SPTBN4: variants seen among roughly 807,000 people sequenced by gnomAD.
SPTBN4 encodes spectrin beta, non-erythrocytic 4, also known as spectrin beta chain, non-erythrocytic 4.
SPTBN4 carries 96 observed loss-of-function variants against 277.8 expected under a neutral mutation model. The ratio of observed to expected loss-of-function variants is 0.35; its 90% CI spans 0.29 to 0.41. SPTBN4 has a LOEUF of 0.41. SPTBN4 is among the 10% of genes least tolerant of loss of function. The pLI is 1.00. For missense variants in SPTBN4, 3,006 were observed against 3,595.7 expected (o/e 0.84, Z 4.19); for synonymous variants, 1,481 against 1,580.3 (o/e 0.94, Z 1.49).
intron 14 of SPTBN4, among the ~76,000 whole-genome samples, chr19:40,514,106 G>A (rs994232189): frequency 7.9e-5 from 12 of 152,206 alleles, no homozygotes; most frequent in East Asian, 3.8e-4. Context: ...ACTTAGCAAT[G>A]AGTTGTTCAA....
chr19:40,530,563 C>T, intron 18 of SPTBN4: 2 of 980,746 alleles, frequency 2.0e-6, no homozygotes, highest in Non-Finnish European at 2.4e-6. Flanking sequence ...GCTGCAGGGA[C>T]GCCCCGCCAA....
intron 1 of SPTBN4, among the ~76,000 whole-genome samples, chr19:40,472,129 G>A (rs968012266): frequency 6.6e-6 from 1 of 151,794 alleles, no homozygotes; most frequent in Non-Finnish European, 1.5e-5. Context: ...GGCTGATCTC[G>A]AACTCCCAAC....
At chr19:40,572,744 A>C (rs190492300) in intron 35 of SPTBN4, 1 of 201,142 alleles carries the variant, frequency 5.0e-6, no homozygotes, top group African/African-American at 2.3e-5. Context: ...AGATCACCTG[A>C]GGTCAGGAGT....
intron 20 of SPTBN4, among the ~76,000 whole-genome samples, chr19:40,544,494 C>T (rs1213941998): frequency 8.1e-6 from 1 of 123,630 alleles, no homozygotes; most frequent in Non-Finnish European, 1.6e-5. Context: ...GTTGCCCGGG[C>T]TGGAGTGCAG....
At chr19:40,485,755 A>G (rs1599718913) in intron 2 of SPTBN4, among the ~76,000 whole-genome samples, 1 of 152,084 alleles carries the variant, frequency 6.6e-6, no homozygotes, top group Non-Finnish European at 1.5e-5. Context: ...GCAGTGAGCC[A>G]TGATTGTGGC....
At chr19:40,468,080 CTT>C (rs10622374) in intron 1 of SPTBN4, among the ~76,000 whole-genome samples, 2 of 144,514 alleles carry the variant, frequency 1.4e-5, no homozygotes, top group Non-Finnish European at 1.5e-5. Context: ...ATTATCATTA[CTT>C]TTTTTTTTTT....
At position 40,534,063 on chromosome 19, in the gene SPTBN4, C is replaced by G; in HGVS notation, c.4096-17C>G. On this transcript the variant is annotated splice_polypyrimidine_tract_variant and intron_variant, in intron 19 of 35. Transcript: ENST00000598249. Reference sequence around the variant, plus strand: ...ATCTATCTTCTCCATCTCCTGCCATCCACCCACTTGGGGCAGGAGGGCCAG... The same window carrying G: ...ATCTATCTTCTCCATCTCCTGCCATGCACCCACTTGGGGCAGGAGGGCCAG... 6.3e-7 allele frequency: 1 copy of G among 1,590,568 alleles called. No homozygotes were observed. Among genetic ancestry groups the G allele is most frequent in the Non-Finnish European group, 8.6e-7 (1 of 1,163,738 alleles).
At position 40,560,343 on chromosome 19, in the gene SPTBN4, G is replaced by A. The variant is rs553248109; in HGVS notation, c.5855G>A (p.Arg1952His). ...ADALRFHSQVRDLLSWMDGIA... is the reference protein window; with the variant it reads ...ADALRFHSQVHDLLSWMDGIA... The stretch of plus-strand genomic sequence containing the variant: ...GCCCTGCGCTTCCACAGCCAAGTCC[G>A]CGACCTGCTCTCCTGGATGGATGGC... The change falls in exon 27 of 36, where the codon CGC (arginine) becomes CAC (histidine). Residue 1952 changes from arginine to histidine, a missense_variant. Coordinates refer to ENST00000598249, the MANE Select transcript of SPTBN4 (RefSeq NM_020971.3). The surrounding 1 kb of genome is among the most constrained non-coding windows in gnomAD (Gnocchi z 5.2). 2.4e-5 allele frequency: 38 copies of A among 1,614,088 alleles called. No individual in the cohort carries two copies. The highest frequency in any genetic ancestry group is 5.5e-5 in the South Asian group (5 of 91,080).
At chr19:40,572,652 A>T (rs2081165843) in intron 35 of SPTBN4, 3 of 484,520 alleles carry the variant, frequency 6.2e-6, no homozygotes, top group South Asian at 5.6e-5. Context: ...GAATGGAGGG[A>T]GTTCGCTTTA....
At chr19:40,479,938 CA>C (rs778676713) in intron 2 of SPTBN4, among the ~76,000 whole-genome samples, 55 of 135,304 alleles carry the variant, frequency 4.1e-4, no homozygotes, top group South Asian at 4.7e-4. Flanking sequence ...CCCGTCTCTA[CA>C]AAAAAAAAAA....
intron 17 of SPTBN4, among the ~76,000 whole-genome samples, chr19:40,524,368 G>C (rs564765937): frequency 6.6e-6 from 1 of 151,744 alleles, no homozygotes; most frequent in Admixed American, 6.6e-5. Context: ...AAAGCTGGGC[G>C]TGGTGATGCG....
intron 16 of SPTBN4, among the ~76,000 whole-genome samples, 181 bp from the exon 17 acceptor site, chr19:40,523,256 C>T (rs1391980637): frequency 6.6e-6 from 1 of 152,204 alleles, no homozygotes; most frequent in Non-Finnish European, 1.5e-5. Context: ...ATGGGGGTAT[C>T]TGGAGGGACA....
Position 40,570,686 on chromosome 19 carries a change from T to G in SPTBN4, c.7277T>G (p.Leu2426Arg), listed in dbSNP as rs555820796. 6.2e-7 allele frequency: 1 copy of G among 1,607,080 alleles called. No individual in the cohort carries two copies. The highest frequency in any genetic ancestry group is 1.3e-5 in the African/African-American group (1 of 74,760). ...ACAGTGCAGCACGAGGGCTTCCTACTGCGCAAGCGCGAGCTCGACGCTAAC... is the reference window on the plus strand; with the variant it reads ...ACAGTGCAGCACGAGGGCTTCCTACGGCGCAAGCGCGAGCTCGACGCTAAC... ...THTVQHEGFL[L>R]RKRELDANRK... The change falls in exon 33 of 36, where the codon CTG becomes CGG. Residue 2426 changes from leucine (L) to arginine (R), a missense_variant. This residue lies in a region of SPTBN4 where 630 missense variants were observed against 677.6 expected (regional missense o/e 0.93). Coordinates refer to ENST00000598249, the MANE Select transcript of SPTBN4 (RefSeq NM_020971.3).
In SPTBN4 at chr19:40,519,051, C is replaced by T. The variant is rs1179120064; in HGVS notation, c.2904-350C>T. On this transcript the variant is annotated intron_variant, in intron 15 of 35. Transcript: ENST00000598249. The surrounding 1 kb of genome is among the most constrained non-coding windows in gnomAD (Gnocchi z 5.7). ...CTTTAAAGTCTGGTTTAAGAGATGGCAGCTGGGCTTCTCTTAAATCAGAGT... is the reference window on the plus strand; with the variant it reads ...CTTTAAAGTCTGGTTTAAGAGATGGTAGCTGGGCTTCTCTTAAATCAGAGT... Among the ~76,000 whole-genome samples, 4 of 152,182 alleles carry T rather than the reference C, an allele frequency of 2.6e-5. No homozygotes were observed. The highest frequency in any genetic ancestry group is 1.9e-4 in the East Asian group (1 of 5,208).
chr19:40,537,592 C>G (rs2080753253), intron 20 of SPTBN4, among the ~76,000 whole-genome samples: 2 of 152,180 alleles, frequency 1.3e-5, no homozygotes, highest in Non-Finnish European at 1.5e-5. Context: ...GTTAACTCCT[C>G]TCTCCTCCCC....
chr19:40,504,561 T>C (rs2080302743), intron 12 of SPTBN4, among the ~76,000 whole-genome samples: 1 of 150,874 alleles, frequency 6.6e-6, no homozygotes, highest in South Asian at 2.1e-4. Flanking sequence ...CCCAGCTACT[T>C]GGGAGGCTGA....
intron 13 of SPTBN4, among the ~76,000 whole-genome samples, chr19:40,508,740 G>C (rs1166709100): frequency 4.6e-5 from 7 of 152,112 alleles, no homozygotes; most frequent in African/African-American, 1.4e-4. Context: ...ATTTGGGCTT[G>C]TGTTAGGTGA....
chr19:40,508,546 G>C (rs1359697273), intron 13 of SPTBN4, among the ~76,000 whole-genome samples: 18 of 152,162 alleles, frequency 1.2e-4, no homozygotes, highest in African/African-American at 4.3e-4. Flanking sequence ...AAATTAATTT[G>C]GTGTGGTGGC....
chr19:40,555,602 C>T (rs1028384682), intron 24 of SPTBN4, among the ~76,000 whole-genome samples: 2 of 151,708 alleles, frequency 1.3e-5, no homozygotes, highest in African/African-American at 4.8e-5. Context: ...TGCTGAAATG[C>T]AGGGCTTTCT....
Sources: allele counts gnomAD v4.1 joint callset (sites outside exome capture counted in the v4.1 genomes callset), GRCh38; gene constraint gnomAD v4.1.1; regional missense constraint gnomAD v4.1.1; non-coding constraint Gnocchi (gnomAD v3.1); transcripts MANE v1.5; gene names NCBI Gene and HGNC (gene_info 2026-07-23, HGNC 2026-07-21).